Variants in CSNK2A1 observed in about 807,000 individuals in gnomAD.
CSNK2A1 encodes the protein casein kinase 2 alpha 1.
In CSNK2A1, 10 loss-of-function variants were observed where a neutral mutation model predicts 62.9. The observed-to-expected ratio is 0.16, with a 90% CI of 0.10 to 0.27. The LOEUF is 0.27. Among genes scored for constraint, CSNK2A1 ranks in the 10% least tolerant of loss-of-function variants. The pLI is 1.00. For synonymous variants in CSNK2A1, 124 were observed against 167.8 expected (o/e 0.74, Z 2.02); for missense variants, 160 against 492.0 (o/e 0.33, Z 6.38).
At position 499,187 on chromosome 20, in the gene CSNK2A1, A is replaced by G. The variant is rs1360838628; in HGVS notation, c.366+68T>C. ...CAAATGCGAAGCAAGCTCTTCTAACAGCATCATCCCCAAAGGCTATGTGGT... is the reference window on the plus strand; with the variant it reads ...CAAATGCGAAGCAAGCTCTTCTAACGGCATCATCCCCAAAGGCTATGTGGT... On this transcript the variant is annotated intron_variant, in intron 6 of 13. Coordinates refer to ENST00000217244, the MANE Select transcript of CSNK2A1 (RefSeq NM_177559.3). This position sits in a 1 kb window ranked among gnomAD's most constrained non-coding sequence, Gnocchi z 4.2. 2 of 1,319,096 alleles carry G rather than the reference A, an allele frequency of 1.5e-6. No homozygotes were observed. The highest frequency in any genetic ancestry group is 2.0e-6 in the Non-Finnish European group (2 of 981,160). The allele number at this position is 1,319,096 out of a possible 1,614,324, so 81.7% of individuals were successfully genotyped here. A position where few individuals can be genotyped will look rare whatever the true frequency, so the allele number is the denominator to read the frequency against.
chr20:540,435 A>G (rs2019426132), intron 1 of CSNK2A1, among the ~76,000 whole-genome samples: 1 of 152,250 alleles, frequency 6.6e-6, no homozygotes, highest in Non-Finnish European at 1.5e-5. Flanking sequence ...ACTATGTAAC[A>G]AGGATCCCCT....
intron 1 of CSNK2A1, among the ~76,000 whole-genome samples, chr20:541,307 A>T (rs147453401): frequency 7.9e-5 from 12 of 152,184 alleles, no homozygotes; most frequent in Non-Finnish European, 1.5e-4. Context: ...CATGTAACAC[A>T]GGATAGCTAC....
At chr20:533,609 A>C (rs959165686) in intron 1 of CSNK2A1, among the ~76,000 whole-genome samples, 1 of 152,160 alleles carries the variant, frequency 6.6e-6, no homozygotes, top group Admixed American at 6.6e-5. Flanking sequence ...TCTCAAAATA[A>C]ATACATACAT....
chr20:524,218 G>A (rs1290050624), intron 2 of CSNK2A1, among the ~76,000 whole-genome samples: 1 of 151,816 alleles, frequency 6.6e-6, no homozygotes, highest in Non-Finnish European at 1.5e-5. Flanking sequence ...GAGGTCAGGA[G>A]CTCAAAACCA....
chr20:520,841 C>T (rs528271320), intron 2 of CSNK2A1, among the ~76,000 whole-genome samples: 101 of 152,252 alleles, frequency 6.6e-4, no homozygotes, highest in African/African-American at 2.1e-3. Context: ...AAATCATAAA[C>T]TTTAATCTAA....
chr20:524,908 G>C (rs569983659), intron 2 of CSNK2A1, among the ~76,000 whole-genome samples: 1 of 152,026 alleles, frequency 6.6e-6, no homozygotes, highest in Non-Finnish European at 1.5e-5. Flanking sequence ...TTGAGGCTGA[G>C]TTCGTGACCA....
chr20:487,940 G>C (rs1186549525), intron 11 of CSNK2A1: 1 of 291,464 alleles, frequency 3.4e-6, no homozygotes, highest in Admixed American at 4.5e-5. Context: ...GCCAGCAAAA[G>C]CCTTTGCATC....
intron 2 of CSNK2A1, among the ~76,000 whole-genome samples, chr20:527,260 C>T (rs2019117782): frequency 6.6e-6 from 1 of 152,174 alleles, no homozygotes; most frequent in Non-Finnish European, 1.5e-5. Flanking sequence ...AGATCCCAGT[C>T]TGATTCTCAG....
At chr20:510,486 C>G (rs2018696075) in intron 2 of CSNK2A1, 1 of 151,950 alleles carries the variant, frequency 6.6e-6, no homozygotes, top group Non-Finnish European at 1.5e-5. Context: ...AAGAATATGT[C>G]TATTGTTAAG....
At chr20:519,396 C>T (rs548894403) in intron 2 of CSNK2A1, among the ~76,000 whole-genome samples, 23 of 152,204 alleles carry the variant, frequency 1.5e-4, no homozygotes, top group African/African-American at 5.1e-4. Flanking sequence ...CAAAACCAAA[C>T]ATATAATTAC....
At chr20:523,858 C>CAAAAAAAAAAAAAAAAAAA (rs11401840) in intron 2 of CSNK2A1, among the ~76,000 whole-genome samples, 3 of 45,540 alleles carry the variant, frequency 6.6e-5, no homozygotes, top group African/African-American at 2.8e-4. Flanking sequence ...GACTCCATCT[C>CAAAAAAAAAAAAAAAAAAA]AAAAAAAAAA....
intron 10 of CSNK2A1, chr20:489,149 A>C: frequency 4.9e-6 from 1 of 205,432 alleles, no homozygotes; most frequent in Non-Finnish European, 9.7e-6. Flanking sequence ...TGTATGTTTG[A>C]CTCCCTTACA....
Position 474,662 on chromosome 20 carries a change from C to T in CSNK2A1, c.*9299G>A, listed in dbSNP as rs927550679. On this transcript the variant is annotated 3_prime_UTR_variant, in exon 14 of 14. Coordinates refer to ENST00000217244, the MANE Select transcript of CSNK2A1 (RefSeq NM_177559.3). Reference sequence around the variant, plus strand: ...GATTTTTCAGTTTTAGGCATTAGTTCCCCTTATAAATGATGAGAGTTTAGA... The same window carrying T: ...GATTTTTCAGTTTTAGGCATTAGTTTCCCTTATAAATGATGAGAGTTTAGA... The T allele has an allele frequency of 6.6e-6, 1 of 152,078 alleles. No homozygotes were observed. Among genetic ancestry groups the T allele is most frequent in the Non-Finnish European group, 1.5e-5 (1 of 68,018 alleles). 9.4% of individuals were successfully genotyped at this position (152,078 alleles called of 1,614,324 possible). A position where few individuals can be genotyped will look rare whatever the true frequency, so the allele number is the denominator to read the frequency against.
At chr20:526,847 G>A (rs1226739996) in intron 2 of CSNK2A1, 1 of 152,016 alleles carries the variant, frequency 6.6e-6, no homozygotes, top group African/African-American at 2.4e-5. Flanking sequence ...CCCAGCAGGA[G>A]GATAAGGCAG....
chr20:487,285 C>CTG, intron 12 of CSNK2A1, 142 bp downstream of exon 12: 1 of 1,145,348 alleles, frequency 8.7e-7, no homozygotes. Context: ...ATGTAGTTGC[C>CTG]ATCACTATCC....
Position 488,671 on chromosome 20 carries a change from G to T in CSNK2A1, c.824+7C>A. On this transcript the variant is annotated splice_region_variant and intron_variant, in intron 11 of 13. Transcript: ENST00000217244. ...CACAGATGCACATATTTTGTTTCAT[G>T]ACTTACCTGCCCAAGATATCATTGA... 1 of 1,612,816 alleles carries T rather than the reference G, an allele frequency of 6.2e-7. No homozygotes were observed. The highest frequency in any genetic ancestry group is 1.1e-5 in the South Asian group (1 of 90,850).
chr20:538,574 G>A (rs1417521858), intron 1 of CSNK2A1, among the ~76,000 whole-genome samples: 2 of 152,102 alleles, frequency 1.3e-5, no homozygotes, highest in African/African-American at 4.8e-5. Context: ...AAAAAGAAAA[G>A]ACTTTTCTTA....
chr20:528,558 G>C (rs577154202), intron 1 of CSNK2A1, among the ~76,000 whole-genome samples: 1 of 151,998 alleles, frequency 6.6e-6, no homozygotes, highest in South Asian at 2.1e-4. Context: ...TGGGACCATA[G>C]GCATACACTA....
intron 12 of CSNK2A1, chr20:486,782 C>T: frequency 3.5e-6 from 1 of 286,200 alleles, no homozygotes; most frequent in South Asian, 4.5e-5. Flanking sequence ...TGTAACTCGG[C>T]AAAGACGGTA....
Sources: gnomAD v4.1 joint callset for allele counts (sites outside exome capture counted in the v4.1 genomes callset) on GRCh38, gnomAD v4.1.1 for gene constraint, Gnocchi (gnomAD v3.1) non-coding constraint, MANE v1.5 for transcripts, NCBI Gene and HGNC (gene_info 2026-07-23, HGNC 2026-07-21) for gene names.